Variants in NEBL observed in about 807,000 individuals in gnomAD.
NEBL encodes nebulette, also known as LIM and SH3 protein 2.
Under a neutral mutation model 140.2 loss-of-function variants are expected in NEBL, and 122 were observed. The observed-to-expected ratio is 0.87, with a 90% CI of 0.75 to 1.01. The LOEUF (loss-of-function observed/expected upper bound fraction) is 1.01. Among genes scored for constraint, NEBL ranks in the 50% least tolerant of loss-of-function variants. The probability of loss-of-function intolerance (pLI) is 0.00; values close to 1 mark genes in which losing one functional copy is unlikely to be tolerated. For synonymous variants in NEBL, 436 were observed against 398.9 expected, an observed-to-expected ratio of 1.09 and a Z score of -1.11; for missense variants, 1,365 against 1,231.3, an observed-to-expected ratio of 1.11 and a Z score of -1.62.
chr10:20,898,394 C>T (rs1847673008), upstream of NEBL, among the ~76,000 whole-genome samples: 1 of 151,734 alleles, frequency 6.6e-6, no homozygotes, highest in African/African-American at 2.4e-5. Flanking sequence ...TTCTAAGTAG[C>T]CAAGCATAAT....
chr10:21,246,255 A>G (rs1479061557), intron 3 of NEBL, among the ~76,000 whole-genome samples: 1 of 152,252 alleles, frequency 6.6e-6, no homozygotes, highest in Non-Finnish European at 1.5e-5. Flanking sequence ...ATGTGACGCA[A>G]CTAAAACTTC....
chr10:21,161,748 T>C (rs1001334626), intron 2 of NEBL, among the ~76,000 whole-genome samples: 2 of 152,120 alleles, frequency 1.3e-5, no homozygotes, highest in Non-Finnish European at 2.9e-5. Flanking sequence ...GCTCAGGATG[T>C]AAAGAGGCAA....
chr10:21,013,402 G>T (rs933272830), intron 3 of NEBL, among the ~76,000 whole-genome samples: 4 of 152,174 alleles, frequency 2.6e-5, no homozygotes, highest in African/African-American at 9.7e-5. Context: ...TCAGAAGACA[G>T]CATCAAATGG....
chr10:20,885,231 A>G (rs1846401355), intron 4 of NEBL, among the ~76,000 whole-genome samples: 1 of 152,148 alleles, frequency 6.6e-6, no homozygotes, highest in African/African-American at 2.4e-5. Flanking sequence ...AGATACTGTC[A>G]AATAGTTCTT....
intron 13 of NEBL, among the ~76,000 whole-genome samples, chr10:20,839,257 C>G (rs1841177270): frequency 6.6e-6 from 1 of 152,188 alleles, no homozygotes; most frequent in Admixed American, 6.5e-5. Context: ...AATAAAACAA[C>G]TTTTACACAT....
intron 3 of NEBL, among the ~76,000 whole-genome samples, chr10:21,016,352 G>C (rs976388387): frequency 8.5e-5 from 13 of 152,130 alleles, no homozygotes; most frequent in African/African-American, 2.9e-4. Context: ...ATGACAATCT[G>C]GCACCTGATA....
At chr10:20,929,436 T>C (rs1037600057) in intron 4 of NEBL, among the ~76,000 whole-genome samples, 3 of 152,116 alleles carry the variant, frequency 2.0e-5, no homozygotes, top group Non-Finnish European at 4.4e-5. Flanking sequence ...AGTTGAAAAT[T>C]GTAACCTCAG....
At chr10:21,051,097 A>G (rs1834758652) in intron 2 of NEBL, among the ~76,000 whole-genome samples, 1 of 152,206 alleles carries the variant, frequency 6.6e-6, no homozygotes, top group African/African-American at 2.4e-5. Flanking sequence ...AAGAAGAAAT[A>G]GAATAAAGCA....
chr10:21,248,836 GT>G (rs1842551655), intron 2 of NEBL, among the ~76,000 whole-genome samples: 1 of 149,800 alleles, frequency 6.7e-6, no homozygotes, highest in Admixed American at 6.7e-5. Flanking sequence ...GTTGTTTTCT[GT>G]TTTGTTTTTT....
At chr10:20,961,825 C>T (rs765777906) in intron 3 of NEBL, 1 of 1,448,690 alleles carries the variant, frequency 6.9e-7, no homozygotes, top group African/African-American at 1.4e-5. Context: ...GATCACGAAT[C>T]CCACTCGGGA....
rs71578960 is a variant in NEBL, at chr10:20,814,319, A to G, written c.2242-276T>C. Among the ~76,000 whole-genome samples, 558 of 152,146 alleles carry G rather than the reference A, an allele frequency of 3.7e-3. 21 individuals are homozygous for G. The East Asian group carries it at 0.095, about 26-fold the overall frequency. ...TCTATCTAGTCTGTAAACCTGCGCA[A>G]GCCCGAGGACTCGTATCTGTAATCA... On this transcript the variant is annotated intron_variant, in intron 22 of 27. Coordinates refer to ENST00000377122, the MANE Select transcript of NEBL (RefSeq NM_006393.3).
At chr10:20,869,928 C>T in intron 5 of NEBL, 87 bp from the exon 6 acceptor site, 1 of 919,446 alleles carries the variant, frequency 1.1e-6, no homozygotes, top group Non-Finnish European at 1.8e-6. Context: ...ATTATTTATT[C>T]TCATAATAAT....
In NEBL at chr10:20,781,461, A is replaced by G. The variant is rs1835032217; in HGVS notation, c.*4286T>C. On this transcript the variant is annotated 3_prime_UTR_variant, in exon 28 of 28. Coordinates refer to ENST00000377122, the MANE Select transcript of NEBL (RefSeq NM_006393.3). Reference sequence around the variant, plus strand: ...CTGCTTCCTAAATGCTCAGCAATTCATTGCATGGACACTGGAGAATGGGAC... The same window carrying G: ...CTGCTTCCTAAATGCTCAGCAATTCGTTGCATGGACACTGGAGAATGGGAC... The G allele has an allele frequency of 6.6e-6, 1 of 152,216 alleles. No homozygotes were observed. Among genetic ancestry groups the G allele is most frequent in the Non-Finnish European group, 1.5e-5 (1 of 68,026 alleles). 9.4% of individuals were successfully genotyped at this position (152,216 alleles called of 1,614,324 possible).
At chr10:20,990,615 T>G (rs2131684625) in intron 3 of NEBL, among the ~76,000 whole-genome samples, 1 of 152,340 alleles carries the variant, frequency 6.6e-6, no homozygotes, top group Admixed American at 6.5e-5. Context: ...TGGTATCTTG[T>G]TGTAACAACC....
chr10:21,228,110 T>C (rs1842196335), intron 3 of NEBL, among the ~76,000 whole-genome samples: 1 of 151,966 alleles, frequency 6.6e-6, no homozygotes, highest in Admixed American at 6.6e-5. Context: ...CAAAGTTTTT[T>C]GGGTTTTTTT....
chr10:20,858,630 A>T (rs963543223), intron 8 of NEBL, among the ~76,000 whole-genome samples: 16 of 152,224 alleles, frequency 1.1e-4, no homozygotes, highest in African/African-American at 3.9e-4. Context: ...GCTTTCAAAA[A>T]ATAAAGAGAA....
At chr10:20,872,372 T>C (rs1265567322) in intron 5 of NEBL, among the ~76,000 whole-genome samples, 4 of 152,122 alleles carry the variant, frequency 2.6e-5, no homozygotes, top group Non-Finnish European at 4.4e-5. Context: ...TCTTCCAGAA[T>C]ATCACTCCTT....
chr10:21,135,998 G>C (rs910374300), intron 2 of NEBL, among the ~76,000 whole-genome samples: 7 of 152,200 alleles, frequency 4.6e-5, no homozygotes, highest in Non-Finnish European at 1.0e-4. Context: ...ATTTCTCAAA[G>C]AGAGGAAGCC....
intron 3 of NEBL, among the ~76,000 whole-genome samples, chr10:21,183,277 G>A (rs564316172): frequency 6.6e-6 from 1 of 152,284 alleles, no homozygotes; most frequent in East Asian, 1.9e-4. Context: ...CAGAGAGGGA[G>A]GAAGATGGGG....
Sources: allele counts gnomAD v4.1 joint callset (sites outside exome capture counted in the v4.1 genomes callset), GRCh38; gene constraint gnomAD v4.1.1; transcripts MANE v1.5; gene names NCBI Gene and HGNC (gene_info 2026-07-23, HGNC 2026-07-21).